The following TIAM1 variants were observed in gnomAD, a reference collection of about 807,000 sequenced individuals.
The protein encoded by TIAM1 is TIAM Rac1 associated GEF 1.
A neutral mutation model predicts 163.5 loss-of-function variants in TIAM1; 65 were observed. That is an observed-to-expected ratio of 0.40 (90% confidence interval 0.33 to 0.49). The LOEUF (loss-of-function observed/expected upper bound fraction) is 0.49, where lower values mean the gene tolerates loss of function less well. Among genes scored for constraint, TIAM1 ranks in the 20% least tolerant of loss-of-function variants. The pLI, the probability that TIAM1 is intolerant of heterozygous loss-of-function variation, is 0.77. For synonymous variants in TIAM1, 833 were observed against 810.1 expected, an observed-to-expected ratio of 1.03 and a Z score of -0.48; for missense variants, 1,789 against 2,044.7, an observed-to-expected ratio of 0.87 and a Z score of 2.41.
At chr21:31,307,818 G>C (rs1308223526) in intron 2 of TIAM1, among the ~76,000 whole-genome samples, 1 of 152,274 alleles carries the variant, frequency 6.6e-6, no homozygotes, top group Non-Finnish European at 1.5e-5. Flanking sequence ...CACTGGAGAG[G>C]AGGGAAGGTT....
At chr21:31,445,499 C>T (rs944739167) in intron 2 of TIAM1, among the ~76,000 whole-genome samples, 3 of 152,166 alleles carry the variant, frequency 2.0e-5, no homozygotes, top group African/African-American at 7.2e-5. Context: ...ATGTTATATT[C>T]CCACTTGCCA....
intron 2 of TIAM1, among the ~76,000 whole-genome samples, chr21:31,281,378 A>C (rs1032094936): frequency 1.3e-5 from 2 of 152,218 alleles, no homozygotes. Flanking sequence ...AAGAAATTAG[A>C]TAATCAACAT....
intron 1 of TIAM1, among the ~76,000 whole-genome samples, chr21:31,465,761 G>A (rs1475677545): frequency 1.3e-5 from 2 of 152,116 alleles, no homozygotes; most frequent in Admixed American, 6.6e-5. Flanking sequence ...TAGTAGAGAC[G>A]GGGTTTCACC....
At chr21:31,135,167 G>C (rs978954923) in intron 23 of TIAM1, among the ~76,000 whole-genome samples, 1 of 152,140 alleles carries the variant, frequency 6.6e-6, no homozygotes, top group Admixed American at 6.5e-5. Context: ...ACAAAAGCAT[G>C]GAGTGTTGAT....
intron 2 of TIAM1, among the ~76,000 whole-genome samples, chr21:31,382,380 G>GATTAATTGTGT (rs1476179845): frequency 6.6e-6 from 1 of 152,186 alleles, no homozygotes; most frequent in Non-Finnish European, 1.5e-5. Context: ...AAAGCAGACA[G>GATTAATTGTGT]ATTAATTGTG....
chr21:31,528,379 G>C (rs561690113), intron 1 of TIAM1, among the ~76,000 whole-genome samples: 2 of 152,206 alleles, frequency 1.3e-5, no homozygotes, highest in South Asian at 4.1e-4. Flanking sequence ...GCTGGGCATA[G>C]TGGTGCATCT....
chr21:31,168,249 C>T (rs1432607997), intron 15 of TIAM1, among the ~76,000 whole-genome samples: 4 of 151,930 alleles, frequency 2.6e-5, no homozygotes, highest in Non-Finnish European at 4.4e-5. Flanking sequence ...CCCGTCACCA[C>T]GCTGGCTAAT....
At chr21:31,408,943 A>G (rs1880685198) in intron 2 of TIAM1, among the ~76,000 whole-genome samples, 1 of 152,032 alleles carries the variant, frequency 6.6e-6, no homozygotes, top group Non-Finnish European at 1.5e-5. Flanking sequence ...ACACACTTTG[A>G]GTGCCACCGC....
At chr21:31,318,384 C>T (rs1383729141) in intron 2 of TIAM1, among the ~76,000 whole-genome samples, 1 of 152,186 alleles carries the variant, frequency 6.6e-6, no homozygotes, top group Non-Finnish European at 1.5e-5. Flanking sequence ...GGATTACAGG[C>T]GTGAGCCACC....
intron 2 of TIAM1, among the ~76,000 whole-genome samples, chr21:31,303,216 C>T (rs894428455): frequency 3.9e-5 from 6 of 152,122 alleles, no homozygotes; most frequent in African/African-American, 1.4e-4. Context: ...CATAGGACAC[C>T]TATGACTAGG....
chr21:31,300,787 T>C (rs1392453811), intron 2 of TIAM1, among the ~76,000 whole-genome samples: 1 of 152,234 alleles, frequency 6.6e-6, no homozygotes, highest in Non-Finnish European at 1.5e-5. Flanking sequence ...CAAACATTAT[T>C]TATTGCTCCA....
At position 31,135,930 on chromosome 21, in the gene TIAM1, C is replaced by T. The variant is rs371462331; in HGVS notation, c.3883+3G>A. On this transcript the variant is annotated splice_donor_region_variant and intron_variant, in intron 23 of 27. Coordinates refer to ENST00000541036, the MANE Select transcript of TIAM1 (RefSeq NM_001353694.2). The stretch of plus-strand genomic sequence containing the variant: ...CTCCATAAAACGCTTTTCTGATACA[C>T]ACCGAATGCTGCCAACTCTGGTTCC... The T allele has an allele frequency of 8.7e-6, 14 of 1,613,940 alleles. No homozygotes were observed. Among genetic ancestry groups the T allele is most frequent in the Non-Finnish European group, 1.1e-5 (13 of 1,179,932 alleles).
intron 1 of TIAM1, among the ~76,000 whole-genome samples, chr21:31,508,936 C>A (rs2147466565): frequency 6.6e-6 from 1 of 152,254 alleles, no homozygotes; most frequent in Non-Finnish European, 1.5e-5. Context: ...GCAAACTGGG[C>A]TGTGCTACGA....
chr21:31,557,651 G>A (rs570866932), intron 1 of TIAM1, among the ~76,000 whole-genome samples: 38 of 152,328 alleles, frequency 2.5e-4, no homozygotes, highest in Admixed American at 1.4e-3. Context: ...CGATCCGGAC[G>A]GCTCTGACTC....
chr21:31,416,024 T>C (rs922395638), intron 2 of TIAM1, among the ~76,000 whole-genome samples: 1 of 152,214 alleles, frequency 6.6e-6, no homozygotes, highest in Non-Finnish European at 1.5e-5. Flanking sequence ...CATTCTTCCC[T>C]AATGAGAAGC....
intron 2 of TIAM1, among the ~76,000 whole-genome samples, chr21:31,445,058 C>T (rs748599258): frequency 6.6e-6 from 1 of 151,958 alleles, no homozygotes; most frequent in African/African-American, 2.4e-5. Flanking sequence ...AATGCAAAGA[C>T]AACTACTGCT....
intron 2 of TIAM1, among the ~76,000 whole-genome samples, chr21:31,352,960 TC>T (rs904012549): frequency 2.2e-4 from 34 of 152,198 alleles, no homozygotes; most frequent in African/African-American, 6.5e-4. Flanking sequence ...AGCCAACTCT[TC>T]CTGTCATATC....
chr21:31,182,821 G>A (rs1463705662), intron 14 of TIAM1, among the ~76,000 whole-genome samples, 176 bp from the exon 15 acceptor site: 1 of 152,236 alleles, frequency 6.6e-6, no homozygotes, highest in Non-Finnish European at 1.5e-5. Context: ...CTCAGGTTCT[G>A]AAGGTTCTAG....
At chr21:31,265,707 C>T (rs2072719124) in intron 4 of TIAM1, among the ~76,000 whole-genome samples, 2 of 152,200 alleles carry the variant, frequency 1.3e-5, no homozygotes, top group African/African-American at 4.8e-5. Flanking sequence ...AAGTGGGATG[C>T]TGTTGAAGAA....
Sources: allele counts gnomAD v4.1 joint callset (sites outside exome capture counted in the v4.1 genomes callset), GRCh38; gene constraint gnomAD v4.1.1; transcripts MANE v1.5; gene names NCBI Gene and HGNC (gene_info 2026-07-23, HGNC 2026-07-21).